The following PIGK variants were observed in gnomAD, a reference collection of about 807,000 sequenced individuals.
PIGK encodes phosphatidylinositol glycan anchor biosynthesis class K.
Under a neutral mutation model 50.6 loss-of-function variants are expected in PIGK, and 42 were observed. That is an observed-to-expected ratio of 0.83 (90% CI 0.65 to 1.07). PIGK has a LOEUF of 1.07. Ranked by LOEUF, PIGK falls within the 50% of genes least tolerant of loss-of-function variation. The pLI, the probability that PIGK is intolerant of heterozygous loss-of-function variation, is 0.00. For missense variants in PIGK, 448 were observed against 488.7 expected (o/e 0.92, Z 0.78); for synonymous variants, 151 against 156.0 (o/e 0.97, Z 0.24).
At chr1:77,146,043 T>C (rs78353918) in intron 9 of PIGK, among the ~76,000 whole-genome samples, 16 of 152,068 alleles carry the variant, frequency 1.1e-4, no homozygotes, top group Non-Finnish European at 1.5e-5. Context: ...AAACCCACTA[T>C]GAAGTCAAAA....
chr1:77,178,450 G>A (rs1655535148), intron 3 of PIGK, among the ~76,000 whole-genome samples: 2 of 152,178 alleles, frequency 1.3e-5, no homozygotes, highest in African/African-American at 2.4e-5. Context: ...ATTCTCTTAT[G>A]AAAGGTATGC....
At chr1:77,132,440 T>C (rs900150921) in intron 9 of PIGK, among the ~76,000 whole-genome samples, 1 of 151,990 alleles carries the variant, frequency 6.6e-6, no homozygotes, top group Non-Finnish European at 1.5e-5. Flanking sequence ...TTGGACCTGG[T>C]AGTCTAATCA....
chr1:77,103,751 C>G (rs1169986403), intron 10 of PIGK, among the ~76,000 whole-genome samples: 1 of 152,126 alleles, frequency 6.6e-6, no homozygotes, highest in Non-Finnish European at 1.5e-5. Flanking sequence ...GAGGAGGGAG[C>G]TGCACAGAAA....
At chr1:77,164,554 A>C (rs1655195699) in intron 5 of PIGK, among the ~76,000 whole-genome samples, 1 of 152,178 alleles carries the variant, frequency 6.6e-6, no homozygotes, top group African/African-American at 2.4e-5. Flanking sequence ...GTAGAAAAAA[A>C]AAACTAGTCT....
At chr1:77,101,246 T>TA (rs368351149) in intron 10 of PIGK, among the ~76,000 whole-genome samples, 10 of 152,294 alleles carry the variant, frequency 6.6e-5, no homozygotes, top group African/African-American at 2.2e-4. Context: ...CTTTATGTTT[T>TA]AAAAAAATAG....
At chr1:77,196,360 G>A (rs930517324) in intron 3 of PIGK, among the ~76,000 whole-genome samples, 3 of 152,090 alleles carry the variant, frequency 2.0e-5, no homozygotes, top group Non-Finnish European at 4.4e-5. Flanking sequence ...TGGGATTGGT[G>A]GGTCAAATGG....
chr1:77,164,587 T>G (rs1236021491), intron 5 of PIGK, among the ~76,000 whole-genome samples: 1 of 152,086 alleles, frequency 6.6e-6, no homozygotes, highest in East Asian at 1.9e-4. Context: ...CTTGGATACA[T>G]GCAGCCCTGC....
At chr1:77,132,671 G>A (rs1654405801) in intron 9 of PIGK, among the ~76,000 whole-genome samples, 1 of 151,734 alleles carries the variant, frequency 6.6e-6, no homozygotes, top group East Asian at 1.9e-4. Flanking sequence ...GAATTTTGTT[G>A]TTTCTCTTTA....
At position 77,089,852 on chromosome 1, in the gene PIGK, A is replaced by C. The variant is rs186800017; in HGVS notation, c.*2522T>G. ...TTTTTCTCACACAGGCTGCCTTTGC[A>C]GGATGGCATCATTATACCCTGTCCC... On this transcript the variant is annotated 3_prime_UTR_variant, in exon 11 of 11. Coordinates refer to ENST00000370812, the MANE Select transcript of PIGK (RefSeq NM_005482.3). The C allele has an allele frequency of 1.0e-3, 159 of 152,702 alleles. 1 individual carries two copies. The highest frequency in any genetic ancestry group is 3.6e-3 in the African/African-American group (150 of 41,592). The allele number at this position is 152,702 out of a possible 1,614,324, so 9.5% of individuals were successfully genotyped here. A position where few individuals can be genotyped will look rare whatever the true frequency, so the allele number is the denominator to read the frequency against.
At chr1:77,120,309 C>T (rs1332447294) in intron 10 of PIGK, among the ~76,000 whole-genome samples, 1 of 152,132 alleles carries the variant, frequency 6.6e-6, no homozygotes, top group African/African-American at 2.4e-5. Flanking sequence ...CAATCTGGAT[C>T]CCAGGCCCAG....
intron 9 of PIGK, chr1:77,153,414 T>C (rs1218519494): frequency 6.6e-6 from 1 of 152,028 alleles, no homozygotes; most frequent in Non-Finnish European, 1.5e-5. Context: ...TTAGAAGATA[T>C]AAGTTCTAGT....
intron 8 of PIGK, among the ~76,000 whole-genome samples, chr1:77,155,418 C>T (rs1031390285): frequency 1.3e-5 from 2 of 152,182 alleles, no homozygotes; most frequent in Non-Finnish European, 2.9e-5. Flanking sequence ...AGAATTCATA[C>T]TGTTACTTTC....
chr1:77,207,562 T>C (rs1656316935), intron 2 of PIGK, among the ~76,000 whole-genome samples: 1 of 152,028 alleles, frequency 6.6e-6, no homozygotes, highest in South Asian at 2.1e-4. Context: ...CAAGAGAAAA[T>C]TAGAAACAAT....
rs548369448 is a variant in PIGK at position 77,131,909 on chromosome 1, G to A, written c.987-9550C>T. On this transcript the variant is annotated intron_variant, in intron 9 of 10. Coordinates refer to ENST00000370812, the MANE Select transcript of PIGK (RefSeq NM_005482.3). ...ATATTCGTTCCACCAAATGAGGTAG[G>A]AAGCTTTTTTATTCTGTTCATATTA... Among the ~76,000 whole-genome samples the A allele has an allele frequency of 1.1e-4, 17 of 152,068 alleles. No homozygotes were observed. The South Asian group carries it at 3.3e-3, about 30-fold the overall frequency.
At chr1:77,128,457 T>C (rs1175403124) in intron 9 of PIGK, among the ~76,000 whole-genome samples, 2 of 152,178 alleles carry the variant, frequency 1.3e-5, no homozygotes, top group South Asian at 4.1e-4. Context: ...GCTGATATAA[T>C]AAAATCCCAG....
intron 9 of PIGK, among the ~76,000 whole-genome samples, chr1:77,136,720 AAAAGTAT>A (rs1342884287): frequency 1.3e-5 from 2 of 152,168 alleles, no homozygotes; most frequent in Non-Finnish European, 2.9e-5. Context: ...TTCAAAATGC[AAAAGTAT>A]AAGCCATTAT....
rs183831559 is a variant in PIGK at position 77,129,923 on chromosome 1, C to G, written c.987-7564G>C. The stretch of plus-strand genomic sequence containing the variant: ...CAGAAATGCATTAAGTTCCTATTTC[C>G]TTTCATCATCACCACTTAAATTTTT... On this transcript the variant is annotated intron_variant, in intron 9 of 10. Coordinates refer to ENST00000370812, the MANE Select transcript of PIGK (RefSeq NM_005482.3). Among the ~76,000 whole-genome samples the G allele has an allele frequency of 1.0e-3, 154 of 151,832 alleles. 2 individuals carry two copies. The highest frequency in any genetic ancestry group is 3.5e-3 in the African/African-American group (145 of 41,506).
chr1:77,199,830 C>T (rs984217531), intron 3 of PIGK, among the ~76,000 whole-genome samples: 1 of 152,006 alleles, frequency 6.6e-6, no homozygotes, highest in African/African-American at 2.4e-5. Context: ...ATTCATGTAA[C>T]ATTTACAATT....
intron 3 of PIGK, among the ~76,000 whole-genome samples, chr1:77,171,644 T>C (rs1419041947): frequency 2.6e-5 from 4 of 151,992 alleles, no homozygotes. Context: ...ATAAGTACTA[T>C]GACCTGTTAA....
Sources: gnomAD v4.1 joint callset for allele counts (sites outside exome capture counted in the v4.1 genomes callset) on GRCh38, gnomAD v4.1.1 for gene constraint, MANE v1.5 for transcripts, NCBI Gene and HGNC (gene_info 2026-07-23, HGNC 2026-07-21) for gene names.